The following PSMA5 variants were observed in gnomAD, a reference collection of about 807,000 sequenced individuals.
PSMA5 encodes the protein proteasome subunit alpha type-5.
In PSMA5, 3 loss-of-function variants were observed where a neutral mutation model predicts 34.5. The ratio of observed to expected loss-of-function variants is 0.09; its 90% CI spans 0.04 to 0.22. The LOEUF is 0.22. Among genes scored for constraint, PSMA5 ranks in the 10% least tolerant of loss-of-function variants. PSMA5 has a pLI of 1.00. For missense variants in PSMA5, 120 were observed against 286.1 expected (o/e 0.42, Z 4.19); for synonymous variants, 88 against 95.8 (o/e 0.92, Z 0.47).
At chr1:109,409,724 G>A (rs577666253) in intron 8 of PSMA5, among the ~76,000 whole-genome samples, 4 of 152,062 alleles carry the variant, frequency 2.6e-5, no homozygotes, top group South Asian at 4.2e-4. Context: ...GACCAGTCTG[G>A]GCAACACAGC....
chr1:109,418,063 A>G (rs1459977277), intron 2 of PSMA5, among the ~76,000 whole-genome samples: 1 of 152,010 alleles, frequency 6.6e-6, no homozygotes, highest in East Asian at 1.9e-4. Flanking sequence ...ACCTCCACAA[A>G]AAATAAAAAA....
chr1:109,425,874 C>A (rs1240708057), intron 1 of PSMA5: 5 of 189,838 alleles, frequency 2.6e-5, no homozygotes, highest in African/African-American at 1.2e-4. Context: ...AAACTATACA[C>A]CGCAGCATGC....
chr1:109,402,519 T>C (rs1324132854), intron 8 of PSMA5, among the ~76,000 whole-genome samples: 1 of 152,216 alleles, frequency 6.6e-6, no homozygotes, highest in East Asian at 1.9e-4. Context: ...TGTGCCTCTA[T>C]TTCTTCATCT....
intron 3 of PSMA5, 37 bp downstream of exon 3, chr1:109,415,200 A>C (rs765569233): frequency 6.2e-7 from 1 of 1,600,842 alleles, no homozygotes; most frequent in Non-Finnish European, 8.5e-7. Context: ...ATTAACCCAG[A>C]CCAGATCCTA....
chr1:109,426,423 C>A lies in PSMA5; in HGVS notation c.-93G>T. 1.3e-6 allele frequency: 2 copies of A among 1,517,628 alleles called. No individual in the cohort carries two copies. Among genetic ancestry groups the A allele is most frequent in the Non-Finnish European group, 9.2e-7 (1 of 1,092,560 alleles). 94.0% of individuals were successfully genotyped at this position (1,517,628 alleles called of 1,614,324 possible). A position where few individuals can be genotyped will look rare whatever the true frequency, so the allele number is the denominator to read the frequency against. On this transcript the variant is annotated 5_prime_UTR_variant, in exon 1 of 9. Coordinates refer to ENST00000271308, the MANE Select transcript of PSMA5 (RefSeq NM_002790.4). ...AACTCACCGGCAGCCAACTCACCCACACGGCCGCAGTACTAAGGACCAACT... is the reference window on the plus strand; with the variant it reads ...AACTCACCGGCAGCCAACTCACCCAAACGGCCGCAGTACTAAGGACCAACT...
chr1:109,420,825 G>A (rs1654409987), intron 2 of PSMA5, among the ~76,000 whole-genome samples: 1 of 152,050 alleles, frequency 6.6e-6, no homozygotes, highest in South Asian at 2.1e-4. Flanking sequence ...CACCTAATGG[G>A]TAGTACCCAG....
chr1:109,411,692 C>G (rs1190180756), intron 6 of PSMA5, among the ~76,000 whole-genome samples, 185 bp downstream of exon 6: 1 of 152,076 alleles, frequency 6.6e-6, no homozygotes, highest in African/African-American at 2.4e-5. Flanking sequence ...ATGATCATAG[C>G]TCACTACAGC....
chr1:109,425,993 C>G lies in PSMA5; in HGVS notation c.29+309G>C. 3 of 538,780 alleles carry G rather than the reference C, an allele frequency of 5.6e-6. No homozygotes were observed. The South Asian group carries it at 7.0e-5, about 13-fold the overall frequency. 33.4% of individuals were successfully genotyped at this position (538,780 alleles called of 1,614,324 possible). On this transcript the variant is annotated intron_variant, in intron 1 of 8. Coordinates refer to ENST00000271308, the MANE Select transcript of PSMA5 (RefSeq NM_002790.4). ...AAAAGATGAACGGAGCAAAGAGTGA[C>G]CCTTGGCCTTCTCCGGGTTCAAGGT...
chr1:109,425,007 G>C (rs1406979708), intron 1 of PSMA5, among the ~76,000 whole-genome samples: 1 of 140,444 alleles, frequency 7.1e-6, no homozygotes, highest in Non-Finnish European at 1.5e-5. Flanking sequence ...AAACCCAGGA[G>C]GGGGAGGTTG....
At chr1:109,412,009 T>G in intron 5 of PSMA5, 68 bp downstream of exon 5, 1 of 1,581,978 alleles carries the variant, frequency 6.3e-7, no homozygotes, top group South Asian at 1.1e-5. Flanking sequence ...GGGAATGTTA[T>G]GTTCACAGGA....
chr1:109,412,255 A>G (rs1389620224), intron 4 of PSMA5, 71 bp from the exon 5 acceptor site: 46 of 1,256,602 alleles, frequency 3.7e-5, no homozygotes, highest in Non-Finnish European at 4.9e-5. Context: ...CTCACTACGC[A>G]CATCCCTTTA....
intron 1 of PSMA5, chr1:109,425,605 C>T (rs1053923466): frequency 6.6e-6 from 1 of 152,214 alleles, no homozygotes; most frequent in African/African-American, 2.4e-5. Context: ...TATGTAAAAA[C>T]TTAACTGACG....
chr1:109,408,695 CT>C (rs35993517), intron 8 of PSMA5, among the ~76,000 whole-genome samples: 290 of 145,778 alleles, frequency 2.0e-3, no homozygotes, highest in African/African-American at 4.9e-3. Flanking sequence ...TTTCTTTCAG[CT>C]TTTTTTTTTT....
At chr1:109,402,800 G>A (rs964381702) in intron 8 of PSMA5, among the ~76,000 whole-genome samples, 1 of 152,144 alleles carries the variant, frequency 6.6e-6, no homozygotes, top group South Asian at 2.1e-4. Context: ...CCGCCTCCCG[G>A]GTTCAAGCGA....
intron 8 of PSMA5, among the ~76,000 whole-genome samples, chr1:109,404,714 G>A (rs993110999): frequency 3.3e-5 from 5 of 152,126 alleles, no homozygotes; most frequent in African/African-American, 1.2e-4. Context: ...ACATCTCTAT[G>A]AGGCAGGTAG....
At chr1:109,425,125 T>C (rs1282910763) in intron 1 of PSMA5, among the ~76,000 whole-genome samples, 2 of 152,236 alleles carry the variant, frequency 1.3e-5, no homozygotes, top group Admixed American at 6.5e-5. Context: ...TCCATTGCTG[T>C]AGCACCAGCA....
chr1:109,406,581 C>T (rs992147050), intron 8 of PSMA5, among the ~76,000 whole-genome samples: 2 of 151,956 alleles, frequency 1.3e-5, no homozygotes, highest in Non-Finnish European at 2.9e-5. Flanking sequence ...ACCTGTAGTC[C>T]CAGCTACTCG....
chr1:109,419,812 A>AC lies in PSMA5; in HGVS notation c.96+2047_96+2048insG, dbSNP rs774702403. On this transcript the variant is annotated intron_variant, in intron 2 of 8. Transcript: ENST00000271308. ...AGACTCCGTCTCAAAAAAAAAAAAA[A>AC]AAAAAAAAAAAACAAGCCGCGCATG... Among the ~76,000 whole-genome samples the AC allele has an allele frequency of 0.011, 268 of 23,998 alleles. 4 individuals are homozygous for AC. The East Asian group carries it at 0.15, about 13-fold the overall frequency. The allele number at this position is 23,998 out of a possible 152,430, so 15.7% of individuals were successfully genotyped here. A position where few individuals can be genotyped will look rare whatever the true frequency, so the allele number is the denominator to read the frequency against.
At chr1:109,416,369 C>G (rs1021445412) in intron 2 of PSMA5, among the ~76,000 whole-genome samples, 7 of 152,312 alleles carry the variant, frequency 4.6e-5, no homozygotes, top group Middle Eastern at 3.4e-3. Context: ...TATTCTCCAA[C>G]AAAATCCCTC....
Sources: gnomAD v4.1 joint callset for allele counts (sites outside exome capture counted in the v4.1 genomes callset) on GRCh38, gnomAD v4.1.1 for gene constraint, MANE v1.5 for transcripts, NCBI Gene and HGNC (gene_info 2026-07-23, HGNC 2026-07-21) for gene names.